The following MYO1D variants were observed in gnomAD, a reference collection of about 807,000 sequenced individuals.
MYO1D encodes the protein myosin ID, also known as unconventional myosin-Id.
In MYO1D, 83 loss-of-function variants were observed where a neutral mutation model predicts 122.0. That is an observed-to-expected ratio of 0.68 (90% CI 0.57 to 0.82). The LOEUF (loss-of-function observed/expected upper bound fraction) is 0.82, where lower values mean the gene tolerates loss of function less well. MYO1D is among the 40% of genes least tolerant of loss of function. The pLI is 0.00. For missense variants in MYO1D, 1,157 were observed against 1,269.5 expected (o/e 0.91, Z 1.35); for synonymous variants, 464 against 446.9 (o/e 1.04, Z -0.48).
At chr17:32,719,054 C>T (rs772106146) in intron 15 of MYO1D, among the ~76,000 whole-genome samples, 1 of 152,136 alleles carries the variant, frequency 6.6e-6, no homozygotes, top group Non-Finnish European at 1.5e-5. Flanking sequence ...ATCTTGATTC[C>T]ATCTTTACTC....
intron 1 of MYO1D, among the ~76,000 whole-genome samples, chr17:32,820,679 T>C (rs1158782847): frequency 6.6e-6 from 1 of 152,160 alleles, no homozygotes; most frequent in African/African-American, 2.4e-5. Context: ...CATGGAGAGA[T>C]ATTGGTCAAA....
chr17:32,702,171 G>A (rs1042913719), intron 16 of MYO1D, among the ~76,000 whole-genome samples: 19 of 152,172 alleles, frequency 1.2e-4, no homozygotes, highest in African/African-American at 3.6e-4. Context: ...GCACAAAAAT[G>A]ATGCTGAGTT....
intron 19 of MYO1D, among the ~76,000 whole-genome samples, chr17:32,647,507 C>A (rs2088312042): frequency 6.6e-6 from 1 of 152,150 alleles, no homozygotes; most frequent in South Asian, 2.1e-4. Context: ...AGACATCAGG[C>A]ATTTCTGTAG....
In MYO1D at chr17:32,659,118, T is replaced by C. The variant is rs2088516466; in HGVS notation, c.2342A>G (p.Asn781Ser). The C allele has an allele frequency of 3.1e-6, 5 of 1,613,700 alleles. No individual in the cohort carries two copies. The highest frequency in any genetic ancestry group is 2.2e-5 in the South Asian group (2 of 91,070). ...GCACACAGCAGCACGTTCTTACCTA[T>C]TGAAAATCGTCTGCAGGGCCTCCTC... ...RFEEALQTIFNRWRASQLIKS... is the reference protein window; with the variant it reads ...RFEEALQTIFSRWRASQLIKS... Residue 781 changes from asparagine to serine, a missense_variant, in exon 17 of 22, where the codon AAT becomes AGT. By Grantham distance (46) the Asn-to-Ser change is conservative (BLOSUM62 1). Transcript: ENST00000318217.
intron 15 of MYO1D, among the ~76,000 whole-genome samples, chr17:32,717,932 C>G (rs925673624): frequency 2.0e-5 from 3 of 152,210 alleles, no homozygotes; most frequent in Admixed American, 2.0e-4. Context: ...TAGTGCCTCT[C>G]CCCTATTCTT....
At chr17:32,601,703 C>T (rs1215248801) in intron 21 of MYO1D, among the ~76,000 whole-genome samples, 2 of 152,168 alleles carry the variant, frequency 1.3e-5, no homozygotes, top group African/African-American at 4.8e-5. Flanking sequence ...ATAAAGTGAG[C>T]ATATGCTGTA....
At chr17:32,674,874 A>G (rs954087632) in intron 16 of MYO1D, among the ~76,000 whole-genome samples, 1 of 152,206 alleles carries the variant, frequency 6.6e-6, no homozygotes, top group African/African-American at 2.4e-5. Context: ...GCTTCCTCAA[A>G]GGGGATTTTA....
chr17:32,697,182 C>A (rs1353053644), intron 16 of MYO1D, among the ~76,000 whole-genome samples: 1 of 152,318 alleles, frequency 6.6e-6, no homozygotes, highest in East Asian at 1.9e-4. Flanking sequence ...TTGTCAGCTT[C>A]TGGATGGAGC....
At chr17:32,854,015 C>G (rs896864222) in intron 1 of MYO1D, among the ~76,000 whole-genome samples, 3 of 152,184 alleles carry the variant, frequency 2.0e-5, no homozygotes, top group African/African-American at 7.2e-5. Flanking sequence ...AGTCACCTTT[C>G]ATAGCTACTG....
chr17:32,780,900 A>G (rs1221394049), intron 1 of MYO1D, 116 bp from the exon 2 acceptor site: 6 of 1,013,062 alleles, frequency 5.9e-6, no homozygotes, highest in Non-Finnish European at 8.8e-6. Flanking sequence ...TGATTTCTGA[A>G]CTGACGTTTC....
chr17:32,565,767 C>T (rs899280375), intron 21 of MYO1D, among the ~76,000 whole-genome samples: 1 of 151,988 alleles, frequency 6.6e-6, no homozygotes, highest in African/African-American at 2.4e-5. Flanking sequence ...ATCTGTGGCT[C>T]AGGCTGGAGT....
At chr17:32,835,696 T>C (rs2090815375) in intron 1 of MYO1D, among the ~76,000 whole-genome samples, 1 of 152,176 alleles carries the variant, frequency 6.6e-6, no homozygotes, top group Non-Finnish European at 1.5e-5. Flanking sequence ...CAGACAAGCA[T>C]GAGTAGGTCT....
chr17:32,540,327 C>CA (rs34076937), intron 21 of MYO1D, among the ~76,000 whole-genome samples: 36,751 of 69,618 alleles, frequency 0.53, 9,911 homozygotes, highest in African/African-American at 0.55. Flanking sequence ...GAGACTATCT[C>CA]AAAAAAAAAA....
chr17:32,818,795 G>A (rs896220614), intron 1 of MYO1D, among the ~76,000 whole-genome samples: 3 of 152,206 alleles, frequency 2.0e-5, no homozygotes, highest in African/African-American at 7.2e-5. Flanking sequence ...GACTAAGTAT[G>A]CAATAGGATA....
intron 5 of MYO1D, among the ~76,000 whole-genome samples, chr17:32,771,822 T>C (rs781423543): frequency 1.3e-5 from 2 of 152,248 alleles, no homozygotes; most frequent in Non-Finnish European, 2.9e-5. Context: ...AACTCTTTTA[T>C]ATTTGGTAGA....
At chr17:32,770,600 T>A (rs908072365) in intron 6 of MYO1D, among the ~76,000 whole-genome samples, 16 of 152,158 alleles carry the variant, frequency 1.1e-4, no homozygotes, top group Non-Finnish European at 2.2e-4. Context: ...CATGTAAGTG[T>A]ATGCAAGTGC....
rs116621901 is a variant in MYO1D, at chr17:32,813,572, A to G, written c.96-32788T>C. On this transcript the variant is annotated intron_variant, in intron 1 of 21. Transcript: ENST00000318217. Reference sequence around the variant, plus strand: ...GAGGCTGAGAGGCTTCAGAAAGAAAAAAGCATGTTTAAAGGATGGAAAGAA... The same window carrying G: ...GAGGCTGAGAGGCTTCAGAAAGAAAGAAGCATGTTTAAAGGATGGAAAGAA... Among the ~76,000 whole-genome samples the G allele has an allele frequency of 3.6e-3, 553 of 152,294 alleles. 3 individuals carry two copies. Among genetic ancestry groups the G allele is most frequent in the African/African-American group, 0.012 (516 of 41,560 alleles).
rs547824130 is a variant in MYO1D at position 32,769,351 on chromosome 17, C to G, written c.715-1599G>C. Among the ~76,000 whole-genome samples, 9 of 152,266 alleles carry G rather than the reference C, an allele frequency of 5.9e-5. No individual in the cohort carries two copies. In the South Asian group the frequency reaches 1.9e-3, roughly 32 times the overall value. ...GTTGGGGAAACAACCAAAAAAACAC[C>G]TGGGTCCCTGACAACATTGTTAAGG... On this transcript the variant is annotated intron_variant, in intron 6 of 21. Coordinates refer to ENST00000318217, the MANE Select transcript of MYO1D (RefSeq NM_015194.3).
intron 11 of MYO1D, among the ~76,000 whole-genome samples, chr17:32,750,489 C>T (rs1175675311): frequency 6.6e-6 from 1 of 151,946 alleles, no homozygotes; most frequent in Non-Finnish European, 1.5e-5. Flanking sequence ...GTGGCAGACG[C>T]CTGTAGTCCC....
Sources: allele counts gnomAD v4.1 joint callset (sites outside exome capture counted in the v4.1 genomes callset), GRCh38; gene constraint gnomAD v4.1.1; transcripts MANE v1.5; gene names NCBI Gene and HGNC (gene_info 2026-07-23, HGNC 2026-07-21).